The following HEMK2 variants were observed in gnomAD, a reference collection of about 807,000 sequenced individuals.
HEMK2 encodes methyltransferase HEMK2.
the HEMK2 span, among the ~76,000 whole-genome samples, chr21:28,709,735 G>T: frequency 6.6e-6 from 1 of 152,056 alleles, no homozygotes; most frequent in Non-Finnish European, 1.5e-5. Context: ...TCAGACAGAG[G>T]GCAGGGGAGA....
chr21:28,696,385 A>C, the HEMK2 span, among the ~76,000 whole-genome samples: 2 of 152,232 alleles, frequency 1.3e-5, no homozygotes, highest in Non-Finnish European at 2.9e-5. Flanking sequence ...TCAACAGGGC[A>C]GTCTTTAAAC....
At chr21:28,751,966 T>G in the HEMK2 span, among the ~76,000 whole-genome samples, 1 of 149,226 alleles carries the variant, frequency 6.7e-6, no homozygotes, top group Non-Finnish European at 1.5e-5. Context: ...AAGATTTATT[T>G]TTAAGAAAAG....
At chr21:28,782,558 G>A in the HEMK2 span, among the ~76,000 whole-genome samples, 27 of 152,144 alleles carry the variant, frequency 1.8e-4, no homozygotes, top group Non-Finnish European at 2.5e-4. Flanking sequence ...AAGGAGACAC[G>A]AATAATCAAA....
At chr21:28,808,610 TA>T in the HEMK2 span, among the ~76,000 whole-genome samples, 2 of 152,098 alleles carry the variant, frequency 1.3e-5, no homozygotes, top group African/African-American at 4.8e-5. Context: ...TATTTATTTA[TA>T]AATACATTAT....
chr21:28,587,366 T>C, the HEMK2 span, among the ~76,000 whole-genome samples: 2 of 152,190 alleles, frequency 1.3e-5, no homozygotes, highest in Non-Finnish European at 2.9e-5. Context: ...GATATATTTA[T>C]ATGGTAAATT....
chr21:28,823,986 T>C, the HEMK2 span, among the ~76,000 whole-genome samples: 3 of 152,194 alleles, frequency 2.0e-5, no homozygotes, highest in Non-Finnish European at 4.4e-5. Flanking sequence ...ATCTACTTGA[T>C]TGGAGGAGGG....
chr21:28,715,645 TTA>T, the HEMK2 span, among the ~76,000 whole-genome samples: 3 of 152,354 alleles, frequency 2.0e-5, no homozygotes, highest in East Asian at 5.8e-4. Flanking sequence ...TTTAGTTTCA[TTA>T]TGTCTCACTT....
chr21:28,822,744 T>A, the HEMK2 span, among the ~76,000 whole-genome samples: 10 of 152,144 alleles, frequency 6.6e-5, no homozygotes, highest in African/African-American at 2.4e-4. Flanking sequence ...GTAATTAGCA[T>A]CAACAAAGCT....
the HEMK2 span, among the ~76,000 whole-genome samples, chr21:28,857,732 T>G: frequency 6.6e-6 from 1 of 152,210 alleles, no homozygotes; most frequent in Non-Finnish European, 1.5e-5. Context: ...AACATAGATG[T>G]TCTGGGTCTT....
At chr21:28,612,527 C>G in the HEMK2 span, among the ~76,000 whole-genome samples, 473 of 152,258 alleles carry the variant, frequency 3.1e-3, 3 homozygotes, top group African/African-American at 0.011. Flanking sequence ...TGGAACAAGG[C>G]AAGGATGCCC....
chr21:28,757,653 G>A, the HEMK2 span, among the ~76,000 whole-genome samples: 1 of 152,208 alleles, frequency 6.6e-6, no homozygotes, highest in Non-Finnish European at 1.5e-5. Flanking sequence ...CACAACAATC[G>A]ACAGCAGATA....
chr21:28,785,318 A>T, the HEMK2 span, among the ~76,000 whole-genome samples: 11 of 152,240 alleles, frequency 7.2e-5, no homozygotes, highest in Admixed American at 7.2e-4. Context: ...TCAAATTTTT[A>T]AATCAGGGAT....
At chr21:28,628,982 C>A in the HEMK2 span, among the ~76,000 whole-genome samples, 3 of 152,146 alleles carry the variant, frequency 2.0e-5, no homozygotes, top group Non-Finnish European at 4.4e-5. Flanking sequence ...TTGAACTTAC[C>A]TGTTCATAAG....
the HEMK2 span, among the ~76,000 whole-genome samples, chr21:28,868,238 G>C: frequency 6.6e-6 from 1 of 152,094 alleles, no homozygotes; most frequent in Non-Finnish European, 1.5e-5. Flanking sequence ...TGTCTAGGCT[G>C]TTCTTGGTCA....
At chr21:28,755,217 A>G in the HEMK2 span, among the ~76,000 whole-genome samples, 1 of 152,164 alleles carries the variant, frequency 6.6e-6, no homozygotes, top group Admixed American at 6.5e-5. Context: ...AGTGCGGTAG[A>G]CTCTAAACAA....
At chr21:28,745,628 G>A in the HEMK2 span, among the ~76,000 whole-genome samples, 1 of 152,110 alleles carries the variant, frequency 6.6e-6, no homozygotes, top group Non-Finnish European at 1.5e-5. Context: ...TCCTGCATCT[G>A]GATGAATGCT....
At chr21:28,845,257 T>C in the HEMK2 span, among the ~76,000 whole-genome samples, 3 of 152,128 alleles carry the variant, frequency 2.0e-5, no homozygotes, top group Non-Finnish European at 2.9e-5. Flanking sequence ...TTTGGAAATA[T>C]ATTAAACTCA....
chr21:28,848,881 G>A, the HEMK2 span, among the ~76,000 whole-genome samples: 1 of 152,122 alleles, frequency 6.6e-6, no homozygotes, highest in Admixed American at 6.5e-5. Flanking sequence ...CACTGCCAGT[G>A]TGAGTGCAAG....
the HEMK2 span, among the ~76,000 whole-genome samples, chr21:28,637,289 T>C: frequency 2.0e-5 from 3 of 152,218 alleles, no homozygotes; most frequent in Non-Finnish European, 2.9e-5. Flanking sequence ...CTTGTTTTCA[T>C]TGGATTCTTT....
Sources: allele counts gnomAD v4.1 joint callset (sites outside exome capture counted in the v4.1 genomes callset), GRCh38; gene constraint gnomAD v4.1.1; transcripts MANE v1.5; gene names NCBI Gene and HGNC (gene_info 2026-07-23, HGNC 2026-07-21).